SGMS1: variants seen among roughly 807,000 people sequenced by gnomAD.
SGMS1 encodes sphingomyelin synthase 1, also known as phosphatidylcholine:ceramide cholinephosphotransferase 1.
In SGMS1, 13 loss-of-function variants were observed where a neutral mutation model predicts 46.2. That is an observed-to-expected ratio of 0.28 (90% CI 0.18 to 0.45). SGMS1 has a LOEUF of 0.45. SGMS1 is among the 20% of genes least tolerant of loss of function. SGMS1 has a pLI of 1.00. For synonymous variants in SGMS1, 203 were observed against 187.8 expected (o/e 1.08, Z -0.66); for missense variants, 324 against 519.9 (o/e 0.62, Z 3.66).
chr10:50,559,393 G>A, intron 2 of SGMS1, among the ~76,000 whole-genome samples: 1 of 152,038 alleles, frequency 6.6e-6, no homozygotes, highest in East Asian at 1.9e-4. Flanking sequence ...TTCCATATCT[G>A]TAATCCTGTC....
intron 6 of SGMS1, among the ~76,000 whole-genome samples, chr10:50,364,445 T>G (rs2133424145): frequency 6.6e-6 from 1 of 152,340 alleles, no homozygotes; most frequent in South Asian, 2.1e-4. Flanking sequence ...TTTCACTTTC[T>G]GGTTGTACTT....
At chr10:50,480,684 C>T (rs1460931114) in intron 3 of SGMS1, among the ~76,000 whole-genome samples, 2 of 152,170 alleles carry the variant, frequency 1.3e-5, no homozygotes, top group African/African-American at 4.8e-5. Context: ...GAGTCCCAAA[C>T]ACAGAGCTGT....
chr10:50,335,153 G>A (rs1847695782), intron 7 of SGMS1: 1 of 152,316 alleles, frequency 6.6e-6, no homozygotes, highest in Non-Finnish European at 1.5e-5. Context: ...AGATGAAGGT[G>A]GTTAGACCTA....
chr10:50,579,042 GC>G (rs1489753023), intron 2 of SGMS1, among the ~76,000 whole-genome samples: 2 of 151,754 alleles, frequency 1.3e-5, no homozygotes, highest in Non-Finnish European at 2.9e-5. Flanking sequence ...TAAAAACTAT[GC>G]AAAAAAAGCT....
At chr10:50,336,548 C>T (rs1338533427) in intron 7 of SGMS1, among the ~76,000 whole-genome samples, 1 of 152,138 alleles carries the variant, frequency 6.6e-6, no homozygotes, top group Non-Finnish European at 1.5e-5. Context: ...GAAACACATG[C>T]ACGTCTCCCA....
intron 2 of SGMS1, among the ~76,000 whole-genome samples, chr10:50,576,306 C>A (rs919670833): frequency 6.6e-6 from 1 of 152,168 alleles, no homozygotes; most frequent in Non-Finnish European, 1.5e-5. Context: ...ATAACTGTGA[C>A]CTCCACACAG....
intron 6 of SGMS1, among the ~76,000 whole-genome samples, chr10:50,363,864 C>G (rs1388198723): frequency 1.3e-5 from 2 of 151,826 alleles, no homozygotes; most frequent in Non-Finnish European, 2.9e-5. Flanking sequence ...AAAAAATCAC[C>G]AGGTATCTGA....
chr10:50,555,206 T>C (rs1298174267), intron 2 of SGMS1, among the ~76,000 whole-genome samples: 1 of 152,234 alleles, frequency 6.6e-6, no homozygotes, highest in Non-Finnish European at 1.5e-5. Context: ...TAATGAATTG[T>C]AATCAGTGAA....
At chr10:50,457,005 A>G (rs569998477) in intron 5 of SGMS1, among the ~76,000 whole-genome samples, 10 of 152,336 alleles carry the variant, frequency 6.6e-5, no homozygotes, top group Admixed American at 1.3e-4. Context: ...TGAAAGCATC[A>G]TTAGGATATC....
At chr10:50,355,483 C>A (rs906146614) in intron 6 of SGMS1, among the ~76,000 whole-genome samples, 1 of 152,186 alleles carries the variant, frequency 6.6e-6, no homozygotes, top group South Asian at 2.1e-4. Flanking sequence ...CCGTGTTGGC[C>A]GGGCTGGTCT....
At chr10:50,539,369 A>C (rs1287582628) in intron 2 of SGMS1, among the ~76,000 whole-genome samples, 2 of 152,236 alleles carry the variant, frequency 1.3e-5, no homozygotes, top group African/African-American at 2.4e-5. Context: ...AGTCACAATC[A>C]ATATCATCAC....
At position 50,307,485 on chromosome 10, in the gene SGMS1, A is replaced by G. The variant is rs868524829; in HGVS notation, c.1063-164T>C. The stretch of plus-strand genomic sequence containing the variant: ...ACCATTCTACACTCCACATTCATCT[A>G]CAAACTGAGCCACATCCCAGTAGAA... On this transcript the variant is annotated intron_variant, in intron 10 of 10. Coordinates refer to ENST00000361781, the MANE Select transcript of SGMS1 (RefSeq NM_147156.4). This position sits in a 1 kb window ranked among gnomAD's most constrained non-coding sequence, Gnocchi z 4.2. Among the ~76,000 whole-genome samples the G allele has an allele frequency of 1.3e-5, 2 of 152,140 alleles. No homozygotes were observed. Among genetic ancestry groups the G allele is most frequent in the Non-Finnish European group, 2.9e-5 (2 of 68,032 alleles).
chr10:50,610,912 G>C (rs779582831), intron 1 of SGMS1, among the ~76,000 whole-genome samples: 27 of 152,200 alleles, frequency 1.8e-4, no homozygotes, highest in Non-Finnish European at 1.0e-4. Flanking sequence ...GCTCAGGCTA[G>C]AGATGGAGGC....
intron 6 of SGMS1, among the ~76,000 whole-genome samples, chr10:50,363,479 CT>C (rs931371490): frequency 6.6e-6 from 1 of 152,190 alleles, no homozygotes; most frequent in Non-Finnish European, 1.5e-5. Flanking sequence ...TAGATTCTCA[CT>C]TTGTACAGCT....
In SGMS1 at chr10:50,307,613, C is replaced by T. The variant is rs1308699548; in HGVS notation, c.1063-292G>A. On this transcript the variant is annotated intron_variant, in intron 10 of 10. Transcript: ENST00000361781. The surrounding 1 kb of genome is among the most constrained non-coding windows in gnomAD (Gnocchi z 4.2). ...GCTTTTTAGGTATTCCTCTTCTATGCTAAAAATGTTAACACTTAATTAAAT... is the reference window on the plus strand; with the variant it reads ...GCTTTTTAGGTATTCCTCTTCTATGTTAAAAATGTTAACACTTAATTAAAT... Among the ~76,000 whole-genome samples the T allele has an allele frequency of 2.0e-5, 3 of 152,086 alleles. No homozygotes were observed. The highest frequency in any genetic ancestry group is 4.4e-5 in the Non-Finnish European group (3 of 68,016).
At position 50,343,962 on chromosome 10, in the gene SGMS1, T is replaced by G; in HGVS notation, c.153A>C (p.Arg51=). The G allele has an allele frequency of 6.2e-7, 1 of 1,614,148 alleles. No homozygotes were observed. Among genetic ancestry groups the G allele is most frequent in the Non-Finnish European group, 8.5e-7 (1 of 1,180,028 alleles). ...GCCGCTGCCCATTGTCAGAGGAGAC[T>G]CGGCACAAGGGGGGTTTTTTGAAAT... is the stretch of plus-strand genomic sequence containing the variant. ...QEDFKKPPLC[R]VSSDNGQRLL... is the part of the protein sequence containing the mutation. Residue 51 remains arginine, a synonymous_variant, in exon 7 of 11, where the codon CGA becomes CGC. Coordinates refer to ENST00000361781, the MANE Select transcript of SGMS1 (RefSeq NM_147156.4).
At chr10:50,493,297 G>T (rs368731596) in intron 3 of SGMS1, among the ~76,000 whole-genome samples, 1 of 151,980 alleles carries the variant, frequency 6.6e-6, no homozygotes, top group Non-Finnish European at 1.5e-5. Context: ...CCTTCCTTAC[G>T]CCATATACAA....
At chr10:50,425,731 G>A (rs1424750881) in intron 6 of SGMS1, among the ~76,000 whole-genome samples, 5 of 152,054 alleles carry the variant, frequency 3.3e-5, no homozygotes, top group East Asian at 1.9e-4. Context: ...AATGTACCCC[G>A]GGTCTAAAAT....
At chr10:50,377,047 T>C (rs191378916) in intron 6 of SGMS1, among the ~76,000 whole-genome samples, 35 of 152,368 alleles carry the variant, frequency 2.3e-4, no homozygotes, top group African/African-American at 7.7e-4. Context: ...TACATTCTAC[T>C]TGCTGATTGT....
Sources: allele counts gnomAD v4.1 joint callset (sites outside exome capture counted in the v4.1 genomes callset), GRCh38; gene constraint gnomAD v4.1.1; non-coding constraint Gnocchi (gnomAD v3.1); transcripts MANE v1.5; gene names NCBI Gene and HGNC (gene_info 2026-07-23, HGNC 2026-07-21).